Variants in SSH2 observed in about 807,000 individuals in gnomAD.
The protein encoded by SSH2 is slingshot protein phosphatase 2, also known as protein phosphatase Slingshot homolog 2.
Under a neutral mutation model 135.2 loss-of-function variants are expected in SSH2, and 37 were observed. The observed-to-expected ratio is 0.27, with a 90% CI of 0.21 to 0.36. The LOEUF (loss-of-function observed/expected upper bound fraction) is 0.36. Ranked by LOEUF, SSH2 falls within the 10% of genes least tolerant of loss-of-function variation. SSH2 has a pLI of 1.00. For missense variants in SSH2, 1,408 were observed against 1,765.3 expected (o/e 0.80, Z 3.63); for synonymous variants, 628 against 646.2 (o/e 0.97, Z 0.43).
intron 3 of SSH2, among the ~76,000 whole-genome samples, chr17:29,770,105 T>TTG (rs1198426448): frequency 2.8e-4 from 42 of 148,092 alleles, no homozygotes; most frequent in Non-Finnish European, 4.9e-4. Flanking sequence ...TTTTTTTTTT[T>TTG]TTTTTTTTTT....
intron 3 of SSH2, among the ~76,000 whole-genome samples, chr17:29,770,100 T>TG (rs1181370037): frequency 1.3e-4 from 8 of 60,022 alleles, no homozygotes; most frequent in Admixed American, 4.6e-4. Context: ...TAGTTTTTTT[T>TG]TTTTTTTTTT....
chr17:29,822,377 T>C (rs1014508009), intron 2 of SSH2, among the ~76,000 whole-genome samples: 3 of 152,042 alleles, frequency 2.0e-5, no homozygotes, highest in Non-Finnish European at 4.4e-5. Flanking sequence ...TTTTTTTCTT[T>C]CTGAGATGAG....
At chr17:29,711,043 A>G (rs2039415379) in intron 3 of SSH2, among the ~76,000 whole-genome samples, 1 of 152,224 alleles carries the variant, frequency 6.6e-6, no homozygotes, top group Non-Finnish European at 1.5e-5. Flanking sequence ...TGAATGCAAG[A>G]GTCAGGATTA....
chr17:29,696,577 C>T (rs545181144), intron 4 of SSH2, among the ~76,000 whole-genome samples: 24 of 143,392 alleles, frequency 1.7e-4, no homozygotes, highest in East Asian at 4.5e-4. Context: ...CCAGCCTGGG[C>T]GACACAGCGA....
At chr17:29,885,934 T>A (rs2066229818) in intron 1 of SSH2, among the ~76,000 whole-genome samples, 1 of 152,146 alleles carries the variant, frequency 6.6e-6, no homozygotes. Context: ...ACTCTTTCCT[T>A]TATAAATTAC....
chr17:29,678,716 T>TTG (rs1555610353), intron 6 of SSH2, among the ~76,000 whole-genome samples: 1 of 141,128 alleles, frequency 7.1e-6, no homozygotes, highest in Non-Finnish European at 1.5e-5. Flanking sequence ...ACTATTTCTT[T>TTG]TTTTTTTTTT....
intron 2 of SSH2, among the ~76,000 whole-genome samples, chr17:29,831,819 T>C (rs2042850137): frequency 6.6e-6 from 1 of 152,134 alleles, no homozygotes; most frequent in African/African-American, 2.4e-5. Flanking sequence ...CCTCAGGTGA[T>C]CTACCAGCCT....
At chr17:29,887,501 G>A (rs988528046) in intron 1 of SSH2, among the ~76,000 whole-genome samples, 1 of 152,176 alleles carries the variant, frequency 6.6e-6, no homozygotes. Context: ...AAGGGTCTCT[G>A]AAGTCGGATT....
Position 29,636,437 on chromosome 17 carries a change from T to C in SSH2, c.1793A>G (p.His598Arg), listed in dbSNP as rs747900825. 16 of 1,614,234 alleles carry C rather than the reference T, an allele frequency of 9.9e-6. No homozygotes were observed. The highest frequency in any genetic ancestry group is 1.3e-5 in the Non-Finnish European group (15 of 1,180,038). Residue 598 changes from histidine (H) to arginine (R), a missense_variant, in exon 15 of 16, where the codon CAT becomes CGT. Around this residue, in one of 3 missense-constraint regions of SSH2, gnomAD observed 1,080 missense variants for 1,144.5 expected, o/e 0.94. Transcript: ENST00000540801. ...NESKFPLDNCHASKALIQPGH... is the reference protein window; with the variant it reads ...NESKFPLDNCRASKALIQPGH... ...AGGCTGAATTAAGGCTTTGGATGCATGGCAATTGTCAAGAGGAAATTTTGA... is the reference window on the plus strand; with the variant it reads ...AGGCTGAATTAAGGCTTTGGATGCACGGCAATTGTCAAGAGGAAATTTTGA...
At chr17:29,929,534 A>G (rs888557117) in intron 1 of SSH2, among the ~76,000 whole-genome samples, 3 of 152,070 alleles carry the variant, frequency 2.0e-5, no homozygotes, top group African/African-American at 7.2e-5. Flanking sequence ...GGTCTATGAA[A>G]TGGTGTGGGT....
intron 1 of SSH2, among the ~76,000 whole-genome samples, chr17:29,913,348 ATATATAT>A (rs1276789444): frequency 1.0e-3 from 14 of 13,692 alleles, no homozygotes; most frequent in African/African-American, 2.9e-3. Flanking sequence ...AAAAAAAAAA[ATATATAT>A]ATATATATAT....
intron 2 of SSH2, among the ~76,000 whole-genome samples, chr17:29,809,474 C>G (rs570841013): frequency 1.3e-5 from 2 of 152,116 alleles, no homozygotes; most frequent in Non-Finnish European, 2.9e-5. Context: ...TAACATACCA[C>G]TCCGTCTTGT....
At chr17:29,728,691 A>G (rs1451278632) in intron 3 of SSH2, among the ~76,000 whole-genome samples, 1 of 152,212 alleles carries the variant, frequency 6.6e-6, no homozygotes, top group Admixed American at 6.5e-5. Flanking sequence ...GTAATGTCAT[A>G]AAAAGAGACA....
chr17:29,650,539 T>C lies in SSH2; in HGVS notation c.1226+115A>G, dbSNP rs1024617567. ...AAAAGATTTCAGTCTCCTCCTTTCC[T>C]TAGTTCCTTTTTCCTGAGTACCATC... On this transcript the variant is annotated intron_variant, in intron 13 of 15. Transcript: ENST00000540801. 1.3e-5 allele frequency: 13 copies of C among 1,003,228 alleles called. No individual in the cohort carries two copies. In the African/African-American group the frequency reaches 1.3e-4, roughly 10 times the overall value. 62.1% of individuals were successfully genotyped at this position (1,003,228 alleles called of 1,614,324 possible). A position where few individuals can be genotyped will look rare whatever the true frequency, so the allele number is the denominator to read the frequency against.
chr17:29,885,105 C>T (rs532186786), intron 1 of SSH2, among the ~76,000 whole-genome samples: 12 of 152,112 alleles, frequency 7.9e-5, no homozygotes, highest in Non-Finnish European at 1.3e-4. Context: ...AAGGTCTTGG[C>T]TCTTGCCTAC....
At chr17:29,750,277 C>T (rs979006667) in intron 3 of SSH2, among the ~76,000 whole-genome samples, 2 of 150,104 alleles carry the variant, frequency 1.3e-5, no homozygotes, top group Non-Finnish European at 3.0e-5. Context: ...ATCTCTACCA[C>T]AAAATATACA....
intron 3 of SSH2, among the ~76,000 whole-genome samples, chr17:29,761,885 A>T (rs141120272): frequency 0.78 from 107,822 of 138,962 alleles, 42,437 homozygotes; most frequent in East Asian, 0.93. Context: ...ATATATATAT[A>T]TATTTTTTTT....
chr17:29,836,589 T>C (rs111369192), intron 2 of SSH2, among the ~76,000 whole-genome samples: 111 of 152,348 alleles, frequency 7.3e-4, no homozygotes, highest in Middle Eastern at 3.4e-3. Flanking sequence ...ATAACGTACG[T>C]ACTAACATTT....
chr17:29,741,733 A>T (rs2040562890), intron 3 of SSH2, among the ~76,000 whole-genome samples: 1 of 150,082 alleles, frequency 6.7e-6, no homozygotes, highest in Non-Finnish European at 1.5e-5. Context: ...CTCCTGCCTC[A>T]GCCTGTGAGT....
Sources: gnomAD v4.1 joint callset for allele counts (sites outside exome capture counted in the v4.1 genomes callset) on GRCh38, gnomAD v4.1.1 for gene constraint, gnomAD v4.1.1 regional missense constraint, MANE v1.5 for transcripts, NCBI Gene and HGNC (gene_info 2026-07-23, HGNC 2026-07-21) for gene names.